Variants in ANGPT4 observed in about 807,000 individuals in gnomAD.
The protein encoded by ANGPT4 is angiopoietin-4.
A neutral mutation model predicts 53.0 loss-of-function variants in ANGPT4; 50 were observed. The observed-to-expected ratio is 0.94, with a 90% CI of 0.75 to 1.20. The LOEUF (loss-of-function observed/expected upper bound fraction) is 1.20. Among genes scored for constraint, ANGPT4 ranks in the 50% most tolerant of loss-of-function variants. The pLI, the probability that ANGPT4 is intolerant of heterozygous loss-of-function variation, is 0.00. For missense variants in ANGPT4, 648 were observed against 637.1 expected, an observed-to-expected ratio of 1.02 and a Z score of -0.18; for synonymous variants, 251 against 259.7, an observed-to-expected ratio of 0.97 and a Z score of 0.32.
chr20:895,903 G>C (rs1438270112), intron 1 of ANGPT4, among the ~76,000 whole-genome samples: 1 of 151,866 alleles, frequency 6.6e-6, no homozygotes, highest in Admixed American at 6.6e-5. Context: ...GAGGGGGTGG[G>C]GATTGATTGT....
chr20:908,872 T>C lies in ANGPT4; in HGVS notation c.309+7034A>G, dbSNP rs1433671433. 6.6e-6 allele frequency among the ~76,000 whole-genome samples: 1 copy of C among 152,182 alleles called. No homozygotes were observed. Among genetic ancestry groups the C allele is most frequent in the Non-Finnish European group, 1.5e-5 (1 of 68,032 alleles). On this transcript the variant is annotated intron_variant, in intron 1 of 8. Transcript: ENST00000381922. The surrounding 1 kb of genome is among the most constrained non-coding windows in gnomAD (Gnocchi z 4.9). Reference sequence around the variant, plus strand: ...TTCATGACATTTATGGCATGCTATGTATCTTGTTGCCTCTGGAGAGGAGAA... The same window carrying C: ...TTCATGACATTTATGGCATGCTATGCATCTTGTTGCCTCTGGAGAGGAGAA...
At chr20:877,399 G>A (rs776795230) in intron 7 of ANGPT4, among the ~76,000 whole-genome samples, 6 of 152,162 alleles carry the variant, frequency 3.9e-5, no homozygotes, top group Non-Finnish European at 8.8e-5. Context: ...TCATGTTGTG[G>A]AGACATCATG....
intron 1 of ANGPT4, among the ~76,000 whole-genome samples, chr20:895,168 A>G (rs1981995786): frequency 6.6e-6 from 1 of 152,196 alleles, no homozygotes; most frequent in African/African-American, 2.4e-5. Context: ...GAACTCACCC[A>G]GCGTGGGATC....
At chr20:874,908 T>C (rs73078135) in intron 7 of ANGPT4, among the ~76,000 whole-genome samples, 17,697 of 151,944 alleles carry the variant, frequency 0.12, 1,298 homozygotes, top group Middle Eastern at 0.21. Flanking sequence ...AATACAAACA[T>C]AGGGTCTCAC....
At chr20:906,831 G>A (rs1006642919) in intron 1 of ANGPT4, among the ~76,000 whole-genome samples, 1 of 152,226 alleles carries the variant, frequency 6.6e-6, no homozygotes, top group Non-Finnish European at 1.5e-5. Flanking sequence ...TCTGGGTCAG[G>A]CTCTGGGCAA....
At chr20:873,191 T>A in intron 8 of ANGPT4, 71 bp from the exon 9 acceptor site, 6 of 1,401,272 alleles carry the variant, frequency 4.3e-6, no homozygotes, top group Non-Finnish European at 5.8e-6. Flanking sequence ...GCAGCCCCTG[T>A]GTCCCAAAGA....
rs1223260559 is a variant in ANGPT4 at position 911,914 on chromosome 20, T to C, written c.309+3992A>G. Reference sequence around the variant, plus strand: ...AGACAGACAGAGATAGACAGGGAGATAGGCAGAGAGAGGGCTGCCATGGAC... The same window carrying C: ...AGACAGACAGAGATAGACAGGGAGACAGGCAGAGAGAGGGCTGCCATGGAC... On this transcript the variant is annotated intron_variant, in intron 1 of 8. Coordinates refer to ENST00000381922, the MANE Select transcript of ANGPT4 (RefSeq NM_015985.4). The surrounding 1 kb of genome is among the most constrained non-coding windows in gnomAD (Gnocchi z 4.9). Among the ~76,000 whole-genome samples, 1 of 151,132 alleles carries C rather than the reference T, an allele frequency of 6.6e-6. No homozygotes were observed. Among genetic ancestry groups the C allele is most frequent in the African/African-American group, 2.4e-5 (1 of 41,066 alleles).
chr20:878,854 G>A (rs764312572), intron 6 of ANGPT4, among the ~76,000 whole-genome samples: 3 of 152,244 alleles, frequency 2.0e-5, no homozygotes, highest in Non-Finnish European at 4.4e-5. Context: ...GCCACTGCAA[G>A]ATTTCAGCAA....
At chr20:915,354 G>A (rs1982886455) in intron 1 of ANGPT4, among the ~76,000 whole-genome samples, 1 of 152,274 alleles carries the variant, frequency 6.6e-6, no homozygotes, top group African/African-American at 2.4e-5. Flanking sequence ...CGCTGCGGAT[G>A]CATTCCCTCC....
chr20:888,558 G>A (rs1346781161), intron 2 of ANGPT4, 119 bp from the exon 3 acceptor site: 1 of 1,454,674 alleles, frequency 6.9e-7, no homozygotes, highest in East Asian at 2.4e-5. Context: ...CACTCTCCCA[G>A]TCGTAGTTCC....
intron 1 of ANGPT4, among the ~76,000 whole-genome samples, chr20:913,905 T>G (rs74453542): frequency 1.3e-5 from 2 of 151,726 alleles, no homozygotes; most frequent in Non-Finnish European, 2.9e-5. Context: ...GAGGAGGGTG[T>G]TTGGAGAAGA....
intron 4 of ANGPT4, among the ~76,000 whole-genome samples, chr20:883,879 C>T (rs1442191200): frequency 9.9e-5 from 15 of 152,182 alleles, no homozygotes; most frequent in Admixed American, 3.3e-4. Context: ...ATCCACATGT[C>T]GCGATTTGGA....
chr20:877,306 C>A (rs1289185825), intron 7 of ANGPT4, among the ~76,000 whole-genome samples: 1 of 152,138 alleles, frequency 6.6e-6, no homozygotes, highest in Non-Finnish European at 1.5e-5. Context: ...TTTTTTGCAG[C>A]CCTGTGAGTG....
intron 1 of ANGPT4, among the ~76,000 whole-genome samples, chr20:890,853 GCTGTTCCCTCA>G (rs1981818186): frequency 6.6e-6 from 1 of 151,800 alleles, no homozygotes; most frequent in Admixed American, 6.6e-5. Context: ...TGTGCCCACA[GCTGTTCCCTCA>G]CTGTTCCCTC....
chr20:903,742 A>C (rs2122852146), intron 1 of ANGPT4, among the ~76,000 whole-genome samples: 1 of 152,322 alleles, frequency 6.6e-6, no homozygotes, highest in South Asian at 2.1e-4. Context: ...CCTAGGCTGA[A>C]CCAAAGCCCC....
intron 1 of ANGPT4, among the ~76,000 whole-genome samples, chr20:905,454 C>A (rs931886816): frequency 6.6e-6 from 1 of 152,078 alleles, no homozygotes; most frequent in African/African-American, 2.4e-5. Context: ...AAGTTAGGAG[C>A]CTCGAGCCCA....
intron 3 of ANGPT4, among the ~76,000 whole-genome samples, chr20:886,074 TG>T (rs1342132557): frequency 1.3e-5 from 2 of 150,816 alleles, no homozygotes; most frequent in East Asian, 3.8e-4. Context: ...ACTTTTATTT[TG>T]TACAGGTTCC....
Position 908,900 on chromosome 20 carries a change from AG to A in ANGPT4, c.309+7005del, listed in dbSNP as rs1194510318. 2.0e-5 allele frequency among the ~76,000 whole-genome samples: 3 copies of A among 152,170 alleles called. No individual in the cohort carries two copies. The highest frequency in any genetic ancestry group is 1.3e-4 in the Admixed American group (2 of 15,274). Reference sequence around the variant, plus strand: ...CTTGTTGCCTCTGGAGAGGAGAAACAGGGGTCTCAGCTGGGTGTCAGGAACC... The same window carrying A: ...CTTGTTGCCTCTGGAGAGGAGAAACAGGGTCTCAGCTGGGTGTCAGGAACC... On this transcript the variant is annotated intron_variant, in intron 1 of 8. Transcript: ENST00000381922. The surrounding 1 kb of genome is among the most constrained non-coding windows in gnomAD (Gnocchi z 4.9).
At chr20:899,103 C>T (rs1002470422) in intron 1 of ANGPT4, among the ~76,000 whole-genome samples, 1 of 152,116 alleles carries the variant, frequency 6.6e-6, no homozygotes, top group African/African-American at 2.4e-5. Context: ...TAAGTCTGTC[C>T]CCTTTTTAAT....
Sources: allele counts gnomAD v4.1 joint callset (sites outside exome capture counted in the v4.1 genomes callset), GRCh38; gene constraint gnomAD v4.1.1; non-coding constraint Gnocchi (gnomAD v3.1); transcripts MANE v1.5; gene names NCBI Gene and HGNC (gene_info 2026-07-23, HGNC 2026-07-21).